The following CNTN6 variants were observed in gnomAD, a reference collection of about 807,000 sequenced individuals.
The protein encoded by CNTN6 is contactin 6, also known as contactin-6.
A neutral mutation model predicts 122.8 loss-of-function variants in CNTN6; 137 were observed. That is an observed-to-expected ratio of 1.12 (90% CI 0.97 to 1.29). The LOEUF is 1.29. Ranked by LOEUF, CNTN6 falls within the 50% of genes most tolerant of loss-of-function variation. The pLI is 0.00. For missense variants in CNTN6, 1,634 were observed against 1,223.4 expected (o/e 1.34, Z -5.01); for synonymous variants, 570 against 426.0 (o/e 1.34, Z -4.16).
At chr3:1,312,306 A>G (rs1238318441) in intron 7 of CNTN6, among the ~76,000 whole-genome samples, 3 of 151,582 alleles carry the variant, frequency 2.0e-5, no homozygotes, top group Admixed American at 6.6e-5. Flanking sequence ...GTTCTTAAAA[A>G]TCATCCAAGA....
At chr3:1,266,195 C>T (rs1490032746) in intron 4 of CNTN6, among the ~76,000 whole-genome samples, 3 of 152,000 alleles carry the variant, frequency 2.0e-5, no homozygotes, top group African/African-American at 7.2e-5. Flanking sequence ...GTCTCTCTTT[C>T]CCTCCCTCCC....
intron 4 of CNTN6, among the ~76,000 whole-genome samples, chr3:1,236,718 T>C (rs2125587857): frequency 6.6e-6 from 1 of 152,222 alleles, no homozygotes; most frequent in South Asian, 2.1e-4. Flanking sequence ...CTGCAATGGA[T>C]CCAAGCCAAG....
intron 9 of CNTN6, 113 bp downstream of exon 9, chr3:1,326,064 T>C: frequency 1.1e-6 from 1 of 907,738 alleles, no homozygotes; most frequent in Non-Finnish European, 1.6e-6. Context: ...TTTGGTATGT[T>C]CCAGGAAAGG....
intron 11 of CNTN6, among the ~76,000 whole-genome samples, chr3:1,339,952 A>C (rs1490075920): frequency 6.6e-6 from 1 of 152,194 alleles, no homozygotes; most frequent in East Asian, 1.9e-4. Flanking sequence ...TATAAGAATA[A>C]TAATGATGAT....
intron 7 of CNTN6, chr3:1,298,518 C>G (rs1207198705): frequency 6.6e-6 from 1 of 152,254 alleles, no homozygotes; most frequent in Non-Finnish European, 1.5e-5. Flanking sequence ...TTTTGTTTTA[C>G]TCAGATAAGT....
intron 20 of CNTN6, chr3:1,394,227 A>G (rs984554420): frequency 1.2e-4 from 29 of 242,962 alleles, no homozygotes; most frequent in Non-Finnish European, 5.7e-5. Context: ...CTTCCGCACC[A>G]ATAGTGCCAG....
intron 17 of CNTN6, among the ~76,000 whole-genome samples, chr3:1,380,590 T>C: frequency 6.6e-6 from 1 of 152,138 alleles, no homozygotes; most frequent in Non-Finnish European, 1.5e-5. Context: ...ACACTGAGGG[T>C]TGGCACGCTT....
intron 1 of CNTN6, among the ~76,000 whole-genome samples, chr3:1,103,908 G>A (rs1043631645): frequency 1.3e-5 from 2 of 151,850 alleles, no homozygotes; most frequent in African/African-American, 4.8e-5. Flanking sequence ...TACATGAAAC[G>A]GTCTTCAATT....
At chr3:1,101,532 A>G (rs1013783762) in intron 1 of CNTN6, among the ~76,000 whole-genome samples, 1 of 152,166 alleles carries the variant, frequency 6.6e-6, no homozygotes, top group African/African-American at 2.4e-5. Flanking sequence ...AAAGTCATCA[A>G]ACTCTCACTT....
chr3:1,283,825 C>T (rs892643000), intron 5 of CNTN6, among the ~76,000 whole-genome samples: 2 of 152,086 alleles, frequency 1.3e-5, no homozygotes, highest in African/African-American at 4.8e-5. Flanking sequence ...CATGGTGAAA[C>T]CCCGTCTGTC....
chr3:1,099,597 A>G (rs1057195524), intron 1 of CNTN6, among the ~76,000 whole-genome samples: 3 of 152,214 alleles, frequency 2.0e-5, no homozygotes, highest in Non-Finnish European at 4.4e-5. Context: ...CTATTATCAC[A>G]TACATTGAAA....
intron 20 of CNTN6, among the ~76,000 whole-genome samples, chr3:1,400,514 C>G (rs750310815): frequency 2.6e-4 from 39 of 152,096 alleles, no homozygotes; most frequent in Non-Finnish European, 4.9e-4. Flanking sequence ...AACTAAAAGT[C>G]GCAGTTTGGA....
At chr3:1,380,695 C>A (rs902578319) in intron 17 of CNTN6, among the ~76,000 whole-genome samples, 1 of 152,144 alleles carries the variant, frequency 6.6e-6, no homozygotes, top group Non-Finnish European at 1.5e-5. Flanking sequence ...CTCAAAAGAG[C>A]CACATACCAC....
chr3:1,343,061 G>A (rs1341863249), intron 11 of CNTN6, among the ~76,000 whole-genome samples: 1 of 152,098 alleles, frequency 6.6e-6, no homozygotes, highest in Non-Finnish European at 1.5e-5. Context: ...TCAAGATGAT[G>A]AAGAACTTTA....
intron 2 of CNTN6, among the ~76,000 whole-genome samples, chr3:1,215,186 T>G (rs1361633027): frequency 2.0e-5 from 3 of 152,230 alleles, no homozygotes; most frequent in Non-Finnish European, 4.4e-5. Context: ...TTCAAATATT[T>G]CTGGAACATG....
At chr3:1,301,468 A>G (rs1199069739) in intron 7 of CNTN6, among the ~76,000 whole-genome samples, 3 of 152,200 alleles carry the variant, frequency 2.0e-5, no homozygotes, top group African/African-American at 7.2e-5. Context: ...TGATAAATAA[A>G]TCATGTTGGT....
chr3:1,267,835 G>A (rs140214083), intron 4 of CNTN6, among the ~76,000 whole-genome samples: 4 of 151,816 alleles, frequency 2.6e-5, no homozygotes, highest in East Asian at 1.9e-4. Flanking sequence ...GAATATACAC[G>A]TTTCTTTTGC....
intron 1 of CNTN6, among the ~76,000 whole-genome samples, chr3:1,122,398 G>A (rs1215203987): frequency 2.8e-5 from 4 of 143,812 alleles, no homozygotes; most frequent in Non-Finnish European, 4.4e-5. Flanking sequence ...AAGGAGGAAA[G>A]AAGGGGTTCT....
At chr3:1,157,166 G>C (rs1222148979) in intron 2 of CNTN6, among the ~76,000 whole-genome samples, 1 of 150,992 alleles carries the variant, frequency 6.6e-6, no homozygotes, top group Non-Finnish European at 1.5e-5. Flanking sequence ...TTTATCCTTT[G>C]TGTCACAAAC....
Sources: gnomAD v4.1 joint callset for allele counts (sites outside exome capture counted in the v4.1 genomes callset) on GRCh38, gnomAD v4.1.1 for gene constraint, MANE v1.5 for transcripts, NCBI Gene and HGNC (gene_info 2026-07-23, HGNC 2026-07-21) for gene names.